Variants in RGS17 observed in about 807,000 individuals in gnomAD.
RGS17 encodes regulator of G-protein signaling 17.
Under a neutral mutation model 25.5 loss-of-function variants are expected in RGS17, and 12 were observed. That is an observed-to-expected ratio of 0.47 (90% CI 0.30 to 0.76). The LOEUF is 0.76. Ranked by LOEUF, RGS17 falls within the 30% of genes least tolerant of loss-of-function variation. The pLI, the probability that RGS17 is intolerant of heterozygous loss-of-function variation, is 0.07. For missense variants in RGS17, 196 were observed against 242.2 expected, an observed-to-expected ratio of 0.81 and a Z score of 1.27; for synonymous variants, 71 against 76.9, an observed-to-expected ratio of 0.92 and a Z score of 0.40.
At chr6:153,123,630 A>C (rs1157479955) in intron 1 of RGS17, among the ~76,000 whole-genome samples, 1 of 152,162 alleles carries the variant, frequency 6.6e-6, no homozygotes, top group Non-Finnish European at 1.5e-5. Context: ...TTCTTCATCC[A>C]AACTGAGGAT....
At chr6:153,043,508 G>T (rs7755574) in intron 2 of RGS17, among the ~76,000 whole-genome samples, 60,136 of 149,976 alleles carry the variant, frequency 0.4, 13,015 homozygotes, top group East Asian at 0.62. Flanking sequence ...AAAAACACAT[G>T]CAATACTACA....
intron 4 of RGS17, among the ~76,000 whole-genome samples, chr6:153,015,288 G>A (rs771970299): frequency 1.3e-5 from 2 of 152,220 alleles, no homozygotes; most frequent in Non-Finnish European, 2.9e-5. Context: ...TGAGAGGATT[G>A]ACTCCTATTT....
chr6:153,063,627 G>T (rs559499914), intron 1 of RGS17, among the ~76,000 whole-genome samples: 2 of 152,266 alleles, frequency 1.3e-5, no homozygotes, highest in Non-Finnish European at 2.9e-5. Flanking sequence ...AGAGTTGTTG[G>T]CCTTAGAGAG....
At chr6:153,036,273 G>A (rs1239433276) in intron 2 of RGS17, among the ~76,000 whole-genome samples, 4 of 151,938 alleles carry the variant, frequency 2.6e-5, no homozygotes, top group East Asian at 1.9e-4. Context: ...GGCTGGTCTC[G>A]AACTCCTGGA....
intron 3 of RGS17, 99 bp from the exon 4 acceptor site, chr6:153,024,595 CTGCCATCT>C: frequency 1.1e-6 from 1 of 878,800 alleles, no homozygotes; most frequent in South Asian, 1.6e-5. Flanking sequence ...TATCAATTTG[CTGCCATCT>C]AGTGGTCAGT....
chr6:153,029,844 C>T (rs1779343112), intron 2 of RGS17, among the ~76,000 whole-genome samples: 1 of 152,182 alleles, frequency 6.6e-6, no homozygotes, highest in Non-Finnish European at 1.5e-5. Context: ...CCACTTTGGC[C>T]TCCCAAAATG....
At chr6:153,054,041 ATG>A (rs1562321540) in intron 1 of RGS17, among the ~76,000 whole-genome samples, 5,770 of 70,270 alleles carry the variant, frequency 0.082, 1,134 homozygotes, top group Admixed American at 0.15. Context: ...ATACATATAT[ATG>A]TATATATGTA....
At chr6:153,015,314 T>G (rs1334649405) in intron 4 of RGS17, among the ~76,000 whole-genome samples, 1 of 152,218 alleles carries the variant, frequency 6.6e-6, no homozygotes, top group East Asian at 1.9e-4. Flanking sequence ...GAAGCTCTAC[T>G]GTGGGTAAAA....
chr6:153,070,459 C>G (rs943585790), intron 1 of RGS17, among the ~76,000 whole-genome samples: 1 of 151,900 alleles, frequency 6.6e-6, no homozygotes, highest in Non-Finnish European at 1.5e-5. Context: ...TACAAGTTGG[C>G]TCTCCATAAC....
chr6:153,064,095 C>T (rs1161083468), intron 1 of RGS17, among the ~76,000 whole-genome samples: 2 of 152,072 alleles, frequency 1.3e-5, no homozygotes, highest in Non-Finnish European at 2.9e-5. Flanking sequence ...GAAATGCTAA[C>T]AGAGTACTTC....
At chr6:153,034,730 A>G (rs971950563) in intron 2 of RGS17, among the ~76,000 whole-genome samples, 1 of 152,324 alleles carries the variant, frequency 6.6e-6, no homozygotes, top group African/African-American at 2.4e-5. Flanking sequence ...CGAGGAAGAC[A>G]TGCCATTAGA....
intron 1 of RGS17, among the ~76,000 whole-genome samples, chr6:153,091,925 T>C (rs1035529367): frequency 2.6e-5 from 4 of 152,170 alleles, no homozygotes; most frequent in African/African-American, 4.8e-5. Flanking sequence ...TTTTAATCAA[T>C]ATTTGACCAG....
chr6:153,080,512 T>C (rs1446399574), intron 1 of RGS17, among the ~76,000 whole-genome samples: 1 of 152,002 alleles, frequency 6.6e-6, no homozygotes, highest in South Asian at 2.1e-4. Context: ...ATAATCTCTA[T>C]TGTTTGCTGG....
rs1242524942 is a variant in RGS17 at position 153,130,969 on chromosome 6, G to C, written c.-26+155C>G. Among the ~76,000 whole-genome samples, 1 of 148,618 alleles carries C rather than the reference G, an allele frequency of 6.7e-6. No individual in the cohort carries two copies. Among genetic ancestry groups the C allele is most frequent in the Non-Finnish European group, 1.5e-5 (1 of 67,102 alleles). The stretch of plus-strand genomic sequence containing the variant: ...CGGCCACAGCTGAGACCCCAGCGCC[G>C]CGCAGCCGCCCCCGCCGGGGCATGG... On this transcript the variant is annotated intron_variant, in intron 1 of 4. Coordinates refer to ENST00000206262, the MANE Select transcript of RGS17 (RefSeq NM_012419.5). This position sits in a 1 kb window ranked among gnomAD's most constrained non-coding sequence, Gnocchi z 6.4.
intron 1 of RGS17, among the ~76,000 whole-genome samples, chr6:153,051,802 C>T (rs1232969030): frequency 6.6e-6 from 1 of 152,088 alleles, no homozygotes; most frequent in Admixed American, 6.6e-5. Flanking sequence ...AATGAGAAAG[C>T]ATGTTTAAAA....
chr6:153,090,339 A>G (rs1292527075), intron 1 of RGS17, among the ~76,000 whole-genome samples: 1 of 151,422 alleles, frequency 6.6e-6, no homozygotes, highest in East Asian at 2.0e-4. Flanking sequence ...CAGGCCCGGC[A>G]TGGTGGCTCA....
At chr6:153,110,762 G>GACAGTGGGTGCAGCCC (rs1408141295) in intron 1 of RGS17, among the ~76,000 whole-genome samples, 4 of 152,174 alleles carry the variant, frequency 2.6e-5, no homozygotes, top group African/African-American at 7.2e-5. Flanking sequence ...CGACTGCTTA[G>GACAGTGGGTGCAGCCC]ACAGTGGGTG....
At chr6:153,101,600 T>G (rs1356073355) in intron 1 of RGS17, among the ~76,000 whole-genome samples, 1 of 152,194 alleles carries the variant, frequency 6.6e-6, no homozygotes, top group East Asian at 1.9e-4. Context: ...ACATATGTTA[T>G]GTGGTGATAT....
rs911577090 is a variant in RGS17 at position 153,029,773 on chromosome 6, T to A, written c.120-3230A>T. Among the ~76,000 whole-genome samples the A allele has an allele frequency of 3.9e-5, 6 of 152,224 alleles. No homozygotes were observed. The East Asian group carries it at 1.2e-3, about 29-fold the overall frequency. On this transcript the variant is annotated intron_variant, in intron 2 of 4. Coordinates refer to ENST00000206262, the MANE Select transcript of RGS17 (RefSeq NM_012419.5). Reference sequence around the variant, plus strand: ...GCCCAGCTAATTTTTGTATTTTTAGTAGAGACAGGGTTTCACCATGTTGGT... The same window carrying A: ...GCCCAGCTAATTTTTGTATTTTTAGAAGAGACAGGGTTTCACCATGTTGGT...
Sources: allele counts gnomAD v4.1 joint callset (sites outside exome capture counted in the v4.1 genomes callset), GRCh38; gene constraint gnomAD v4.1.1; non-coding constraint Gnocchi (gnomAD v3.1); transcripts MANE v1.5; gene names NCBI Gene and HGNC (gene_info 2026-07-23, HGNC 2026-07-21).